IL1RAP: variants seen among roughly 807,000 people sequenced by gnomAD.
IL1RAP encodes interleukin-1 receptor accessory protein.
Under a neutral mutation model 60.7 loss-of-function variants are expected in IL1RAP, and 35 were observed. The ratio of observed to expected loss-of-function variants is 0.58; its 90% CI spans 0.44 to 0.76. IL1RAP has a LOEUF of 0.76. Among genes scored for constraint, IL1RAP ranks in the 30% least tolerant of loss-of-function variants. The probability of loss-of-function intolerance (pLI) is 0.00; values close to 1 mark genes in which losing one functional copy is unlikely to be tolerated. For synonymous variants in IL1RAP, 268 were observed against 250.9 expected (o/e 1.07, Z -0.64); for missense variants, 572 against 693.9 (o/e 0.82, Z 1.97).
chr3:190,634,945 G>GA (rs1164027076), intron 9 of IL1RAP, among the ~76,000 whole-genome samples: 1 of 152,102 alleles, frequency 6.6e-6, no homozygotes, highest in Non-Finnish European at 1.5e-5. Flanking sequence ...TCGATCTCCT[G>GA]ACCTTGTGAT....
At chr3:190,616,382 C>G (rs1049064501) in intron 5 of IL1RAP, among the ~76,000 whole-genome samples, 9 of 151,970 alleles carry the variant, frequency 5.9e-5, no homozygotes, top group African/African-American at 1.9e-4. Flanking sequence ...AATGAATTAG[C>G]CTGCCCTGTA....
At chr3:190,529,198 T>C (rs1416623345) in intron 1 of IL1RAP, among the ~76,000 whole-genome samples, 1 of 152,178 alleles carries the variant, frequency 6.6e-6, no homozygotes, top group Non-Finnish European at 1.5e-5. Flanking sequence ...CACATCTGCC[T>C]GGCTTCAGAC....
At chr3:190,596,003 G>GT (rs1337147651) in intron 3 of IL1RAP, among the ~76,000 whole-genome samples, 1 of 152,308 alleles carries the variant, frequency 6.6e-6, no homozygotes, top group African/African-American at 2.4e-5. Context: ...ACACAGCACT[G>GT]TAAGATAGGC....
At chr3:190,597,450 T>C (rs1372546146) in intron 3 of IL1RAP, among the ~76,000 whole-genome samples, 3 of 152,184 alleles carry the variant, frequency 2.0e-5, no homozygotes, top group Non-Finnish European at 4.4e-5. Context: ...CCTGAACAGC[T>C]CTGCTCTGAG....
downstream of IL1RAP, among the ~76,000 whole-genome samples, chr3:190,652,192 C>T (rs1450331897): frequency 3.3e-5 from 5 of 151,624 alleles, no homozygotes; most frequent in African/African-American, 9.7e-5. Context: ...TGGCCAGGCG[C>T]GGTGGCTCAC....
intron 3 of IL1RAP, among the ~76,000 whole-genome samples, chr3:190,566,860 C>A (rs1322834035): frequency 6.6e-6 from 1 of 152,132 alleles, no homozygotes; most frequent in African/African-American, 2.4e-5. Flanking sequence ...AAAGTATTGC[C>A]TTTTACAAGG....
Position 190,604,159 on chromosome 3 carries a change from G to A in IL1RAP, c.96G>A (p.Met32Ile). ...ERCDDWGLDT[M>I]RQIQVFEDEP... is the part of the protein sequence containing the mutation. Reference sequence around the variant, plus strand: ...GCGATGACTGGGGACTAGACACCATGAGGCAAATCCAAGTGTTTGAAGATG... The same window carrying A: ...GCGATGACTGGGGACTAGACACCATAAGGCAAATCCAAGTGTTTGAAGATG... Residue 32 changes from methionine (M) to isoleucine (I), a missense_variant, in exon 4 of 12, where the codon ATG becomes ATA. Coordinates refer to ENST00000447382, the MANE Select transcript of IL1RAP (RefSeq NM_002182.4). 1 of 1,613,948 alleles carries A rather than the reference G, an allele frequency of 6.2e-7. No individual in the cohort carries two copies. The highest frequency in any genetic ancestry group is 1.7e-4 in the Middle Eastern group (1 of 6,056).
chr3:190,639,422 T>C (rs1733482019), intron 9 of IL1RAP, among the ~76,000 whole-genome samples: 1 of 152,202 alleles, frequency 6.6e-6, no homozygotes, highest in South Asian at 2.1e-4. Flanking sequence ...TTTTCTTTAT[T>C]TCAGAATTGT....
Position 190,623,433 on chromosome 3 carries a change from T to A in IL1RAP, c.775+18T>A. On this transcript the variant is annotated intron_variant, in intron 7 of 11. Coordinates refer to ENST00000447382, the MANE Select transcript of IL1RAP (RefSeq NM_002182.4). ...AGAACCAGGTAATTACAGCTATGTC[T>A]CTGAATTTCACTTAGATTCTCTTAA... The A allele has an allele frequency of 2.6e-6, 4 of 1,555,716 alleles. No individual in the cohort carries two copies. Among genetic ancestry groups the A allele is most frequent in the Non-Finnish European group, 3.5e-6 (4 of 1,127,524 alleles).
chr3:190,532,344 G>T (rs948811051), intron 1 of IL1RAP, among the ~76,000 whole-genome samples: 3 of 148,748 alleles, frequency 2.0e-5, no homozygotes, highest in Admixed American at 6.8e-5. Flanking sequence ...CTCACTGCAA[G>T]CTTCGCCTCC....
rs150123244 is a variant in IL1RAP at position 190,639,067 on chromosome 3, T to C, written c.1052-5181T>C. Reference sequence around the variant, plus strand: ...TTAAGATCACCTTTTCTTTATTGATTTTGAAAATCAAATTATGATGGCCTG... The same window carrying C: ...TTAAGATCACCTTTTCTTTATTGATCTTGAAAATCAAATTATGATGGCCTG... On this transcript the variant is annotated intron_variant, in intron 9 of 11. Coordinates refer to ENST00000447382, the MANE Select transcript of IL1RAP (RefSeq NM_002182.4). Among the ~76,000 whole-genome samples the C allele has an allele frequency of 2.0e-5, 3 of 152,308 alleles. No homozygotes were observed. In the East Asian group the frequency reaches 5.8e-4, roughly 29 times the overall value.
At chr3:190,540,771 A>AT (rs1723862583) in intron 1 of IL1RAP, among the ~76,000 whole-genome samples, 1 of 152,220 alleles carries the variant, frequency 6.6e-6, no homozygotes, top group South Asian at 2.1e-4. Context: ...AAACAAATCT[A>AT]TTTTTTATTC....
At chr3:190,576,140 A>G (rs1427414854) in intron 3 of IL1RAP, among the ~76,000 whole-genome samples, 1 of 152,232 alleles carries the variant, frequency 6.6e-6, no homozygotes, top group Non-Finnish European at 1.5e-5. Flanking sequence ...TTAAATGTAA[A>G]AAACCCTAAG....
chr3:190,656,583 TAAC>T (rs1734627899), exon 12 of IL1RAP: 2 of 1,528,542 alleles, frequency 1.3e-6, no homozygotes, highest in Admixed American at 2.0e-5. Context: ...ACTTATCCAA[TAAC>T]AACGACTTTT....
At chr3:190,656,764 C>T (rs1293237342) in exon 12 of IL1RAP, 1 of 556,594 alleles carries the variant, frequency 1.8e-6, no homozygotes. Flanking sequence ...AGACAAAAGA[C>T]CTGAAGGACC....
At chr3:190,543,739 G>C (rs1249324406) in intron 1 of IL1RAP, among the ~76,000 whole-genome samples, 1 of 152,146 alleles carries the variant, frequency 6.6e-6, no homozygotes, top group Admixed American at 6.6e-5. Context: ...TGGTGGGAGT[G>C]CTTGATATGT....
At chr3:190,627,966 TTTC>T (rs1732457505) in intron 8 of IL1RAP, among the ~76,000 whole-genome samples, 1 of 151,198 alleles carries the variant, frequency 6.6e-6, no homozygotes, top group African/African-American at 2.5e-5. Flanking sequence ...TCTCCTCCTC[TTTC>T]TTATCTCATA....
intron 9 of IL1RAP, among the ~76,000 whole-genome samples, chr3:190,635,965 G>T (rs1168747215): frequency 6.6e-6 from 1 of 152,088 alleles, no homozygotes; most frequent in African/African-American, 2.4e-5. Context: ...AATTTCCAGG[G>T]TATCTGTGAA....
intron 3 of IL1RAP, among the ~76,000 whole-genome samples, chr3:190,597,428 T>G (rs775233131): frequency 4.6e-5 from 7 of 152,174 alleles, no homozygotes; most frequent in Non-Finnish European, 1.0e-4. Context: ...CGCTTGAAAG[T>G]CAAGTGGCAT....
Sources: gnomAD v4.1 joint callset for allele counts (sites outside exome capture counted in the v4.1 genomes callset) on GRCh38, gnomAD v4.1.1 for gene constraint, MANE v1.5 for transcripts, NCBI Gene and HGNC (gene_info 2026-07-23, HGNC 2026-07-21) for gene names.